The following SZRD1 variants were observed in gnomAD, a reference collection of about 807,000 sequenced individuals.
SZRD1 encodes SUZ RNA-binding domain-containing.
A neutral mutation model predicts 17.6 loss-of-function variants in SZRD1; 7 were observed. The ratio of observed to expected loss-of-function variants is 0.40; its 90% confidence interval spans 0.23 to 0.75. The LOEUF is 0.75. Ranked by LOEUF, SZRD1 falls within the 30% of genes least tolerant of loss-of-function variation. The probability of loss-of-function intolerance (pLI) is 0.38; values close to 1 mark genes in which losing one functional copy is unlikely to be tolerated. For synonymous variants in SZRD1, 77 were observed against 77.9 expected (o/e 0.99, Z 0.06); for missense variants, 178 against 201.8 (o/e 0.88, Z 0.71).
intron 1 of SZRD1, among the ~76,000 whole-genome samples, chr1:16,368,377 G>A (rs1413838494): frequency 6.6e-6 from 1 of 152,106 alleles, no homozygotes; most frequent in Non-Finnish European, 1.5e-5. Flanking sequence ...CTCTGGAAGA[G>A]GCCGGGAAAT....
In SZRD1 at chr1:16,391,459, T is replaced by C; in HGVS notation, c.101+35T>C. ...CTGTCTGGTCTGAGGGCTCATGCTC[T>C]CTGTGGTTTGAGAGCCGGGCAGTCA... On this transcript the variant is annotated intron_variant, in intron 2 of 3. Transcript: ENST00000401088. The surrounding 1 kb of genome is among the most constrained non-coding windows in gnomAD (Gnocchi z 4.3). The C allele has an allele frequency of 6.5e-7, 1 of 1,533,736 alleles. No individual in the cohort carries two copies. The highest frequency in any genetic ancestry group is 8.8e-7 in the Non-Finnish European group (1 of 1,134,080).
At chr1:16,388,588 G>T (rs1002763660) in intron 1 of SZRD1, among the ~76,000 whole-genome samples, 1 of 151,316 alleles carries the variant, frequency 6.6e-6, no homozygotes, top group Non-Finnish European at 1.5e-5. Flanking sequence ...AAGAAAGCTG[G>T]CCAACTTTAT....
At chr1:16,382,490 A>G (rs780242793) in intron 1 of SZRD1, among the ~76,000 whole-genome samples, 1 of 131,176 alleles carries the variant, frequency 7.6e-6, no homozygotes, top group Non-Finnish European at 1.6e-5. Context: ...GCCTGGCCAC[A>G]TGGTTTTTTT....
In SZRD1 at chr1:16,391,417, A is replaced by G; in HGVS notation, c.94A>G (p.Lys32Glu). Residue 32 changes from lysine to glutamate, a missense_variant, in exon 2 of 4, where the codon AAA (lysine) becomes GAA (glutamate). Physicochemically the swap from Lys to Glu is moderately conservative, Grantham distance 56. Coordinates refer to ENST00000401088, the MANE Select transcript of SZRD1 (RefSeq NM_001114600.3). The surrounding 1 kb of genome is among the most constrained non-coding windows in gnomAD (Gnocchi z 4.3). ...GGAAAAAAAACTGAAGATCACACAAAAAGAGAGGTAAGGCTGCTGTCTGGT... is the reference window on the plus strand; with the variant it reads ...GGAAAAAAAACTGAAGATCACACAAGAAGAGAGGTAAGGCTGCTGTCTGGT... ...RLEKKLKITQ[K>E]ESRKSKSPPK... is the part of the protein sequence containing the mutation. 6.5e-7 allele frequency: 1 copy of G among 1,549,326 alleles called. No homozygotes were observed. Among genetic ancestry groups the G allele is most frequent in the Non-Finnish European group, 8.7e-7 (1 of 1,146,552 alleles).
intron 1 of SZRD1, among the ~76,000 whole-genome samples, chr1:16,374,091 A>G (rs79787296): frequency 0.018 from 2,765 of 152,232 alleles, 86 homozygotes; most frequent in African/African-American, 0.062. Context: ...GAAAAAAGAG[A>G]TCAATTAGTT....
At chr1:16,374,218 C>G (rs544129404) in intron 1 of SZRD1, among the ~76,000 whole-genome samples, 73 of 152,294 alleles carry the variant, frequency 4.8e-4, no homozygotes, top group Middle Eastern at 6.8e-3. Context: ...AAGGGGCCAC[C>G]TCTCAGTTGG....
chr1:16,371,903 A>T (rs886804367), intron 1 of SZRD1, among the ~76,000 whole-genome samples: 2 of 151,920 alleles, frequency 1.3e-5, no homozygotes, highest in Non-Finnish European at 1.5e-5. Context: ...TAAAAAGAAA[A>T]TTTTTTTGTA....
At chr1:16,378,269 TTC>T (rs764044191) in intron 1 of SZRD1, among the ~76,000 whole-genome samples, 5 of 151,370 alleles carry the variant, frequency 3.3e-5, no homozygotes, top group Non-Finnish European at 7.4e-5. Flanking sequence ...GAAGAATTAT[TTC>T]TGTTTGGCAA....
At chr1:16,385,762 A>G (rs1043591554) in intron 1 of SZRD1, among the ~76,000 whole-genome samples, 92 of 152,158 alleles carry the variant, frequency 6.0e-4, no homozygotes, top group African/African-American at 2.1e-3. Flanking sequence ...CTTTTCAGCC[A>G]GAGGCACATT....
intron 1 of SZRD1, among the ~76,000 whole-genome samples, chr1:16,372,805 T>C (rs1254061955): frequency 6.6e-6 from 1 of 152,196 alleles, no homozygotes; most frequent in East Asian, 1.9e-4. Flanking sequence ...GAAGGTGTCA[T>C]TAAACATTAA....
In SZRD1 at chr1:16,385,478, G is replaced by T. The variant is rs570374679; in HGVS notation, c.52-5897G>T. 5.3e-5 allele frequency among the ~76,000 whole-genome samples: 8 copies of T among 152,232 alleles called. No homozygotes were observed. In the East Asian group the frequency reaches 7.7e-4, roughly 15 times the overall value. On this transcript the variant is annotated intron_variant, in intron 1 of 3. Transcript: ENST00000401088. ...AACTGTAATGGTGCTTATACTTGCT[G>T]TGCTTTACACTAAGACCCAGAATAG... is the stretch of plus-strand genomic sequence containing the variant.
In SZRD1 at chr1:16,391,493, C is replaced by T; in HGVS notation, c.101+69C>T. On this transcript the variant is annotated intron_variant, in intron 2 of 3. Transcript: ENST00000401088. This position sits in a 1 kb window ranked among gnomAD's most constrained non-coding sequence, Gnocchi z 4.3. ...TGAGAGCCGGGCAGTCAGTGGTGTT[C>T]TCCAGCTGGCCATTAGGATTAGCAG... 1 of 1,334,062 alleles carries T rather than the reference C, an allele frequency of 7.5e-7. No homozygotes were observed. 82.6% of individuals were successfully genotyped at this position (1,334,062 alleles called of 1,614,324 possible). A position where few individuals can be genotyped will look rare whatever the true frequency, so the allele number is the denominator to read the frequency against.
intron 1 of SZRD1, among the ~76,000 whole-genome samples, chr1:16,368,500 C>T (rs948520183): frequency 6.6e-6 from 1 of 152,104 alleles, no homozygotes; most frequent in Non-Finnish European, 1.5e-5. Flanking sequence ...TATGTTTTTC[C>T]ATTTAGCATA....
At chr1:16,382,852 T>C (rs907038812) in intron 1 of SZRD1, among the ~76,000 whole-genome samples, 4 of 151,760 alleles carry the variant, frequency 2.6e-5, no homozygotes, top group Non-Finnish European at 4.4e-5. Flanking sequence ...GAAGGTACAA[T>C]GTGAGCCACA....
At chr1:16,375,530 C>T (rs1013719230) in intron 1 of SZRD1, among the ~76,000 whole-genome samples, 1 of 151,962 alleles carries the variant, frequency 6.6e-6, no homozygotes, top group Non-Finnish European at 1.5e-5. Flanking sequence ...CCAAGCTGGT[C>T]TGGAACTCCT....
intron 1 of SZRD1, among the ~76,000 whole-genome samples, chr1:16,369,904 A>C (rs1303527103): frequency 6.6e-6 from 1 of 151,816 alleles, no homozygotes; most frequent in Non-Finnish European, 1.5e-5. Flanking sequence ...AAAAACAAAA[A>C]AAAAAAACTA....
rs1302405484 is a variant in SZRD1 at position 16,393,073 on chromosome 1, G to A, written c.102-155G>A. On this transcript the variant is annotated intron_variant, in intron 2 of 3. Transcript: ENST00000401088. The surrounding 1 kb of genome is among the most constrained non-coding windows in gnomAD (Gnocchi z 5.6). ...TACTTTTTTGGGACACCCTTCTTGA[G>A]GAGTGGAAATTTTGCTGTCTGGTCA... 2.6e-5 allele frequency among the ~76,000 whole-genome samples: 4 copies of A among 152,138 alleles called. No individual in the cohort carries two copies. Among genetic ancestry groups the A allele is most frequent in the Admixed American group, 2.0e-4 (3 of 15,278 alleles).
chr1:16,387,668 T>C (rs2085148382), intron 1 of SZRD1: 1 of 456,594 alleles, frequency 2.2e-6, no homozygotes, highest in South Asian at 1.5e-5. Flanking sequence ...GCTTCTAAAT[T>C]CTACAGCTGT....
rs1392658075 is a variant in SZRD1 at position 16,391,433 on chromosome 1, G to A, written c.101+9G>A. The A allele has an allele frequency of 1.9e-6, 3 of 1,548,374 alleles. No individual in the cohort carries two copies. The highest frequency in any genetic ancestry group is 2.7e-5 in the African/African-American group (2 of 72,946). On this transcript the variant is annotated intron_variant, in intron 2 of 3. Transcript: ENST00000401088. This position sits in a 1 kb window ranked among gnomAD's most constrained non-coding sequence, Gnocchi z 4.3. ...ATCACACAAAAAGAGAGGTAAGGCT[G>A]CTGTCTGGTCTGAGGGCTCATGCTC...
Sources: gnomAD v4.1 joint callset for allele counts (sites outside exome capture counted in the v4.1 genomes callset) on GRCh38, gnomAD v4.1.1 for gene constraint, Gnocchi (gnomAD v3.1) non-coding constraint, MANE v1.5 for transcripts, NCBI Gene and HGNC (gene_info 2026-07-23, HGNC 2026-07-21) for gene names.